Variants in CREB3L2 observed in about 807,000 individuals in gnomAD.
CREB3L2 encodes the protein cyclic AMP-responsive element-binding protein 3-like protein 2.
A neutral mutation model predicts 57.2 loss-of-function variants in CREB3L2; 23 were observed. That is an observed-to-expected ratio of 0.40 (90% CI 0.29 to 0.57). The LOEUF (loss-of-function observed/expected upper bound fraction) is 0.57. Ranked by LOEUF, CREB3L2 falls within the 20% of genes least tolerant of loss-of-function variation. The probability of loss-of-function intolerance (pLI) is 0.42; values close to 1 mark genes in which losing one functional copy is unlikely to be tolerated. For synonymous variants in CREB3L2, 268 were observed against 265.1 expected, an observed-to-expected ratio of 1.01 and a Z score of -0.11; for missense variants, 628 against 634.7, an observed-to-expected ratio of 0.99 and a Z score of 0.11.
At chr7:137,930,288 A>G (rs1425629265) in intron 1 of CREB3L2, among the ~76,000 whole-genome samples, 1 of 152,216 alleles carries the variant, frequency 6.6e-6, no homozygotes, top group Non-Finnish European at 1.5e-5. Flanking sequence ...AATGGGTGTC[A>G]TCCTTACTGA....
At chr7:137,958,533 T>A (rs775854833) in intron 1 of CREB3L2, among the ~76,000 whole-genome samples, 7 of 151,924 alleles carry the variant, frequency 4.6e-5, no homozygotes, top group Non-Finnish European at 7.4e-5. Context: ...AGAAAAGAAA[T>A]CCTTGGCTGC....
rs1799242610 is a variant in CREB3L2, at chr7:137,879,615, GAC to G, written c.*859_*860del. 1 of 247,756 alleles carries G rather than the reference GAC, an allele frequency of 4.0e-6. No homozygotes were observed. Among genetic ancestry groups the G allele is most frequent in the African/African-American group, 2.2e-5 (1 of 45,358 alleles). 15.3% of individuals were successfully genotyped at this position (247,756 alleles called of 1,614,324 possible). On this transcript the variant is annotated 3_prime_UTR_variant, in exon 12 of 12. Coordinates refer to ENST00000330387, the MANE Select transcript of CREB3L2 (RefSeq NM_194071.4). Reference sequence around the variant, plus strand: ...AAGGAAACAAAACATTGTCTGGAAAGACACGGGATCCCAGAGCCTAGGGTGCC... The same window carrying G: ...AAGGAAACAAAACATTGTCTGGAAAGACGGGATCCCAGAGCCTAGGGTGCC...
chr7:137,975,468 T>C (rs1307434154), intron 1 of CREB3L2, among the ~76,000 whole-genome samples: 1 of 152,194 alleles, frequency 6.6e-6, no homozygotes, highest in Non-Finnish European at 1.5e-5. Context: ...CTTCTCTCTT[T>C]TTTAAAGGGC....
At chr7:137,981,348 G>A (rs1382135026) in intron 1 of CREB3L2, among the ~76,000 whole-genome samples, 1 of 152,218 alleles carries the variant, frequency 6.6e-6, no homozygotes, top group Non-Finnish European at 1.5e-5. Flanking sequence ...CAGATTCTAT[G>A]AGGGCCTGTG....
At chr7:137,918,078 A>T (rs1175299619) in intron 2 of CREB3L2, among the ~76,000 whole-genome samples, 1 of 152,226 alleles carries the variant, frequency 6.6e-6, no homozygotes, top group Non-Finnish European at 1.5e-5. Context: ...CTTAGGAGCT[A>T]GAAGACAATG....
intron 1 of CREB3L2, among the ~76,000 whole-genome samples, chr7:137,932,806 G>A (rs1266812663): frequency 6.6e-6 from 1 of 152,188 alleles, no homozygotes; most frequent in African/African-American, 2.4e-5. Context: ...CAGACGCTGG[G>A]GATACAAAAT....
rs1799264157 is a variant in CREB3L2 at position 137,880,234 on chromosome 7, C to T, written c.*242G>A. 1 of 536,558 alleles carries T rather than the reference C, an allele frequency of 1.9e-6. No individual in the cohort carries two copies. The highest frequency in any genetic ancestry group is 1.9e-5 in the African/African-American group (1 of 52,676). 33.2% of individuals were successfully genotyped at this position (536,558 alleles called of 1,614,324 possible). A position where few individuals can be genotyped will look rare whatever the true frequency, so the allele number is the denominator to read the frequency against. On this transcript the variant is annotated 3_prime_UTR_variant, in exon 12 of 12. Transcript: ENST00000330387. This position sits in a 1 kb window ranked among gnomAD's most constrained non-coding sequence, Gnocchi z 4.0. ...CACCTCCAACCCCTAAAATAATTTC[C>T]TATGGCAGTAAGAGAAAGGAAGGGA... is the stretch of plus-strand genomic sequence containing the variant.
chr7:137,937,984 G>C (rs1800819812), intron 1 of CREB3L2, among the ~76,000 whole-genome samples: 1 of 151,956 alleles, frequency 6.6e-6, no homozygotes, highest in African/African-American at 2.4e-5. Context: ...CCATTGGTAG[G>C]GTATATTCAA....
intron 1 of CREB3L2, among the ~76,000 whole-genome samples, chr7:137,960,024 G>C (rs1268597619): frequency 6.6e-6 from 1 of 152,104 alleles, no homozygotes; most frequent in Non-Finnish European, 1.5e-5. Context: ...AAAAACAGAA[G>C]CAGCAGTAGC....
chr7:137,891,822 G>A (rs866328266), intron 8 of CREB3L2, among the ~76,000 whole-genome samples: 25 of 152,072 alleles, frequency 1.6e-4, no homozygotes, highest in South Asian at 8.3e-4. Context: ...CAGGTGATCC[G>A]CCCACCTCGG....
chr7:137,924,155 T>C (rs759031547), intron 2 of CREB3L2, among the ~76,000 whole-genome samples: 1 of 152,212 alleles, frequency 6.6e-6, no homozygotes, highest in Non-Finnish European at 1.5e-5. Context: ...AGATGATTCT[T>C]ATCCATGTTC....
chr7:137,915,770 T>C (rs1216400268), intron 3 of CREB3L2, 67 bp downstream of exon 3: 2 of 1,417,538 alleles, frequency 1.4e-6, no homozygotes, highest in South Asian at 1.3e-5. Flanking sequence ...AAACACCTTA[T>C]TGGAGAATGA....
At chr7:137,892,347 T>TA (rs779212071) in intron 8 of CREB3L2, among the ~76,000 whole-genome samples, 2,036 of 133,274 alleles carry the variant, frequency 0.015, 37 homozygotes, top group African/African-American at 0.042. Context: ...TGCACACAAT[T>TA]AAAAAAAAAA....
chr7:137,934,857 A>G (rs1010699810), intron 1 of CREB3L2, among the ~76,000 whole-genome samples: 3 of 152,242 alleles, frequency 2.0e-5, no homozygotes, highest in South Asian at 2.1e-4. Context: ...CCTGCCTCAC[A>G]ACATAAATGT....
intron 1 of CREB3L2, among the ~76,000 whole-genome samples, chr7:137,997,481 G>A (rs1802005003): frequency 6.6e-6 from 1 of 152,136 alleles, no homozygotes. Context: ...AGCACTTTGG[G>A]AGGCCAAGGC....
intron 1 of CREB3L2, among the ~76,000 whole-genome samples, chr7:137,946,602 A>T (rs1217811212): frequency 6.6e-6 from 1 of 151,362 alleles, no homozygotes; most frequent in African/African-American, 2.4e-5. Flanking sequence ...AAAATGTGAG[A>T]TAATAAATGT....
Position 137,875,350 on chromosome 7 carries a change from A to G in CREB3L2, c.*5126T>C. On this transcript the variant is annotated 3_prime_UTR_variant, in exon 12 of 12. Transcript: ENST00000330387. Reference sequence around the variant, plus strand: ...GTGCTGGTGTTCTCTATGAACTCATAAACTGTTTTATCTGAAAAGGTGATT... The same window carrying G: ...GTGCTGGTGTTCTCTATGAACTCATGAACTGTTTTATCTGAAAAGGTGATT... 4.6e-6 allele frequency: 1 copy of G among 218,732 alleles called. No individual in the cohort carries two copies. 13.5% of individuals were successfully genotyped at this position (218,732 alleles called of 1,614,324 possible).
At chr7:137,955,429 A>C in intron 1 of CREB3L2, 1 of 603,242 alleles carries the variant, frequency 1.7e-6, no homozygotes, top group Non-Finnish European at 2.7e-6. Context: ...TAATCCCCAC[A>C]CGCCAAACTT....
rs1238355108 is a variant in CREB3L2 at position 137,882,722 on chromosome 7, A to G, written c.1271-94T>C. 4 of 837,592 alleles carry G rather than the reference A, an allele frequency of 4.8e-6. No individual in the cohort carries two copies. The African/African-American group carries it at 6.8e-5, about 14-fold the overall frequency. 51.9% of individuals were successfully genotyped at this position (837,592 alleles called of 1,614,324 possible). A position where few individuals can be genotyped will look rare whatever the true frequency, so the allele number is the denominator to read the frequency against. On this transcript the variant is annotated intron_variant, in intron 10 of 11. Transcript: ENST00000330387. ...AGGTGCTCAGGGCTGGTGGCAGATGACAATGTGTGTGTTCTCGTTGCCCAG... is the reference window on the plus strand; with the variant it reads ...AGGTGCTCAGGGCTGGTGGCAGATGGCAATGTGTGTGTTCTCGTTGCCCAG...
Sources: gnomAD v4.1 joint callset for allele counts (sites outside exome capture counted in the v4.1 genomes callset) on GRCh38, gnomAD v4.1.1 for gene constraint, Gnocchi (gnomAD v3.1) non-coding constraint, MANE v1.5 for transcripts, NCBI Gene and HGNC (gene_info 2026-07-23, HGNC 2026-07-21) for gene names.